Variants in HECW2 observed in about 807,000 individuals in gnomAD.
HECW2 encodes HECT, C2 and WW domain containing E3 ubiquitin protein ligase 2, also known as E3 ubiquitin-protein ligase HECW2.
A neutral mutation model predicts 175.2 loss-of-function variants in HECW2; 61 were observed. The observed-to-expected ratio is 0.35, with a 90% CI of 0.28 to 0.43. The LOEUF (loss-of-function observed/expected upper bound fraction) is 0.43, where lower values mean the gene tolerates loss of function less well. HECW2 is among the 20% of genes least tolerant of loss of function. The pLI is 1.00. For synonymous variants in HECW2, 671 were observed against 731.0 expected (o/e 0.92, Z 1.32); for missense variants, 1,524 against 2,000.5 (o/e 0.76, Z 4.54).
rs564521507 is a variant in HECW2 at position 196,435,954 on chromosome 2, C to A, written c.-35-2496G>T. Among the ~76,000 whole-genome samples, 109 of 152,342 alleles carry A rather than the reference C, an allele frequency of 7.2e-4. 4 individuals carry two copies. In the South Asian group the frequency reaches 0.02, roughly 28 times the overall value. ...ATTATATCAAGAACTGGTTTTAATA[C>A]TCCCATAATTCCCACCACCCCTTCT... On this transcript the variant is annotated intron_variant, in intron 1 of 28. Transcript: ENST00000644978.
At chr2:196,327,577 T>G (rs1488069972) in intron 5 of HECW2, among the ~76,000 whole-genome samples, 1 of 152,212 alleles carries the variant, frequency 6.6e-6, no homozygotes, top group Admixed American at 6.5e-5. Context: ...CCATAGATAA[T>G]CAAGAGTGGA....
At chr2:196,381,730 T>C (rs1694212165) in intron 2 of HECW2, among the ~76,000 whole-genome samples, 1 of 152,108 alleles carries the variant, frequency 6.6e-6, no homozygotes, top group South Asian at 2.1e-4. Flanking sequence ...ACTAGAAGTC[T>C]AGTGTGATAT....
At chr2:196,440,911 T>G (rs6650772) in intron 1 of HECW2, among the ~76,000 whole-genome samples, 143,850 of 152,212 alleles carry the variant, frequency 0.95, 68,100 homozygotes, top group East Asian at 0.99. Flanking sequence ...CTTAAAAAAT[T>G]AAAAAAAACC....
At chr2:196,571,407 A>G (rs1690380269) in intron 1 of HECW2, among the ~76,000 whole-genome samples, 1 of 152,158 alleles carries the variant, frequency 6.6e-6, no homozygotes, top group African/African-American at 2.4e-5. Context: ...CTACTGGCCT[A>G]TTAAAAATTA....
chr2:196,498,859 T>G (rs962625656), intron 1 of HECW2, among the ~76,000 whole-genome samples: 1 of 152,170 alleles, frequency 6.6e-6, no homozygotes, highest in Non-Finnish European at 1.5e-5. Context: ...TACTGTAAAA[T>G]CTAAAACTAG....
chr2:196,362,175 A>C, intron 2 of HECW2: 1 of 985,420 alleles, frequency 1.0e-6, no homozygotes, highest in Non-Finnish European at 1.2e-6. Context: ...AGGCATCCTA[A>C]GTGAAAAAAT....
chr2:196,559,153 T>TTC (rs1689911311), intron 1 of HECW2, among the ~76,000 whole-genome samples: 1 of 152,226 alleles, frequency 6.6e-6, no homozygotes, highest in Admixed American at 6.5e-5. Context: ...AAACACAATG[T>TTC]TCTTTTCACT....
At chr2:196,240,363 G>T in intron 21 of HECW2, 86 bp downstream of exon 21, 1 of 944,986 alleles carries the variant, frequency 1.1e-6, no homozygotes, top group Non-Finnish European at 1.6e-6. Flanking sequence ...AGGATTTCCT[G>T]TTTCAGGCAA....
Position 196,314,000 on chromosome 2 carries a change from G to A in HECW2, c.2434+3274C>T, listed in dbSNP as rs542295425. Among the ~76,000 whole-genome samples the A allele has an allele frequency of 2.2e-4, 33 of 152,324 alleles. No individual in the cohort carries two copies. In the South Asian group the frequency reaches 5.6e-3, roughly 26 times the overall value. On this transcript the variant is annotated intron_variant, in intron 10 of 28. Coordinates refer to ENST00000644978, the MANE Select transcript of HECW2 (RefSeq NM_001348768.2). ...CACTTGAGCCCAGGAGTTTGAGGCCGCAGTGCACCATGATCATGCCACATG... is the reference window on the plus strand; with the variant it reads ...CACTTGAGCCCAGGAGTTTGAGGCCACAGTGCACCATGATCATGCCACATG...
At chr2:196,574,496 C>T (rs911554225) in intron 1 of HECW2, among the ~76,000 whole-genome samples, 6 of 151,282 alleles carry the variant, frequency 4.0e-5, no homozygotes, top group African/African-American at 1.5e-4. Context: ...AAGACTTGTG[C>T]ATCAAAAATT....
chr2:196,510,017 C>G (rs1687890588), intron 1 of HECW2, among the ~76,000 whole-genome samples: 1 of 152,196 alleles, frequency 6.6e-6, no homozygotes, highest in East Asian at 1.9e-4. Flanking sequence ...ATTCCTCCTT[C>G]TCTCCATTAA....
At chr2:196,542,896 CTAATA>C (rs1444166949) in intron 1 of HECW2, among the ~76,000 whole-genome samples, 10 of 147,036 alleles carry the variant, frequency 6.8e-5, no homozygotes, top group Non-Finnish European at 1.5e-4. Context: ...ATAGGTATAT[CTAATA>C]TATGTAATAT....
intron 2 of HECW2, among the ~76,000 whole-genome samples, chr2:196,391,553 T>C (rs958899045): frequency 6.6e-6 from 1 of 152,210 alleles, no homozygotes; most frequent in African/African-American, 2.4e-5. Flanking sequence ...CAAAGGCTTA[T>C]CACATGTAAC....
chr2:196,338,322 A>C (rs1375145273), intron 3 of HECW2, among the ~76,000 whole-genome samples: 1 of 152,258 alleles, frequency 6.6e-6, no homozygotes, highest in East Asian at 1.9e-4. Flanking sequence ...ATTTCCAGAT[A>C]GATAACTTGA....
chr2:196,548,055 C>T (rs902348333), intron 1 of HECW2, among the ~76,000 whole-genome samples: 2 of 152,070 alleles, frequency 1.3e-5, no homozygotes, highest in Non-Finnish European at 2.9e-5. Context: ...ATGGGCCAGG[C>T]GCAGTGGCTC....
In HECW2 at chr2:196,323,915, G is replaced by GTTTTTTTTTTTTTTTTTTTTTTTTTT. The variant is rs1160140452; in HGVS notation, c.741+1064_741+1065insAAAAAAAAAAAAAAAAAAAAAAAAAA. 7.3e-5 allele frequency among the ~76,000 whole-genome samples: 5 copies of GTTTTTTTTTTTTTTTTTTTTTTTTTT among 68,796 alleles called. 2 individuals are homozygous for GTTTTTTTTTTTTTTTTTTTTTTTTTT. The highest frequency in any genetic ancestry group is 1.5e-4 in the Non-Finnish European group (5 of 32,636). The allele number at this position is 68,796 out of a possible 152,430, so 45.1% of individuals were successfully genotyped here. A position where few individuals can be genotyped will look rare whatever the true frequency, so the allele number is the denominator to read the frequency against. ...CCCTTAAGAGTTTTTTTTGTTTTTT[G>GTTTTTTTTTTTTTTTTTTTTTTTTTT]TTTGTTTTTTTTTTTTTTTTTTACC... On this transcript the variant is annotated intron_variant, in intron 6 of 28. Coordinates refer to ENST00000644978, the MANE Select transcript of HECW2 (RefSeq NM_001348768.2).
At chr2:196,565,393 C>T (rs1294031318) in intron 1 of HECW2, among the ~76,000 whole-genome samples, 1 of 152,116 alleles carries the variant, frequency 6.6e-6, no homozygotes, top group Non-Finnish European at 1.5e-5. Flanking sequence ...AACAAATGAA[C>T]ATGCTTTAGA....
At chr2:196,374,624 A>C (rs915875725) in intron 2 of HECW2, among the ~76,000 whole-genome samples, 1 of 152,218 alleles carries the variant, frequency 6.6e-6, no homozygotes, top group Admixed American at 6.5e-5. Context: ...TTGACATTTG[A>C]AAATCTTATT....
intron 3 of HECW2, among the ~76,000 whole-genome samples, chr2:196,339,198 G>A (rs1232733876): frequency 6.6e-6 from 1 of 152,096 alleles, no homozygotes; most frequent in African/African-American, 2.4e-5. Context: ...AATGGTGAAA[G>A]TTACAGAAAA....
Sources: allele counts gnomAD v4.1 joint callset (sites outside exome capture counted in the v4.1 genomes callset), GRCh38; gene constraint gnomAD v4.1.1; transcripts MANE v1.5; gene names NCBI Gene and HGNC (gene_info 2026-07-23, HGNC 2026-07-21).